CBLB: variants seen among roughly 807,000 people sequenced by gnomAD.
The protein encoded by CBLB is E3 ubiquitin-protein ligase CBL-B.
Under a neutral mutation model 104.9 loss-of-function variants are expected in CBLB, and 31 were observed. That is an observed-to-expected ratio of 0.30 (90% CI 0.22 to 0.40). The LOEUF (loss-of-function observed/expected upper bound fraction) is 0.40. CBLB is among the 10% of genes least tolerant of loss of function. The pLI is 1.00. For synonymous variants in CBLB, 440 were observed against 422.6 expected (o/e 1.04, Z -0.51); for missense variants, 1,062 against 1,214.6 (o/e 0.87, Z 1.87).
At chr3:105,869,382 A>C (rs1035351966), upstream of CBLB, 1 of 1,342,454 alleles carries the variant, frequency 7.4e-7, no homozygotes. Context: ...CCGGGAGCCA[A>C]AGCCATCTGG....
At chr3:105,743,695 A>G (rs1358366177) in intron 6 of CBLB, among the ~76,000 whole-genome samples, 7 of 151,368 alleles carry the variant, frequency 4.6e-5, no homozygotes, top group African/African-American at 1.7e-4. Flanking sequence ...ATTGTTTTCT[A>G]TACTATGAAG....
intron 8 of CBLB, among the ~76,000 whole-genome samples, chr3:105,735,432 A>G (rs2074809975): frequency 6.6e-6 from 1 of 152,254 alleles, no homozygotes; most frequent in Admixed American, 6.5e-5. Flanking sequence ...ATATGCAATT[A>G]TAAAAAAAAT....
At chr3:105,691,587 TTC>T (rs1305954739) in intron 13 of CBLB, among the ~76,000 whole-genome samples, 1 of 152,204 alleles carries the variant, frequency 6.6e-6, no homozygotes, top group Non-Finnish European at 1.5e-5. Context: ...TTTTCTAATG[TTC>T]TCTGAGTTAT....
chr3:105,830,991 A>G (rs2087421071), intron 3 of CBLB, among the ~76,000 whole-genome samples: 1 of 152,232 alleles, frequency 6.6e-6, no homozygotes, highest in African/African-American at 2.4e-5. Context: ...GGCTGACATG[A>G]AATATCCAAA....
At chr3:105,825,784 C>T (rs1400973597) in intron 3 of CBLB, among the ~76,000 whole-genome samples, 1 of 152,206 alleles carries the variant, frequency 6.6e-6, no homozygotes, top group South Asian at 2.1e-4. Flanking sequence ...CTGATGAAAA[C>T]ATATAAAGGC....
At chr3:105,787,527 G>A (rs1390771932) in intron 3 of CBLB, among the ~76,000 whole-genome samples, 1 of 151,828 alleles carries the variant, frequency 6.6e-6, no homozygotes, top group Non-Finnish European at 1.5e-5. Context: ...TGATCAGCAG[G>A]AGACTAGATA....
chr3:105,659,207 T>G lies in CBLB; in HGVS notation c.2712A>C (p.Arg904Ser). Residue 904 changes from arginine (R) to serine (S), a missense_variant, in exon 19 of 19, where the codon AGA becomes AGC. Coordinates refer to ENST00000394030, the MANE Select transcript of CBLB (RefSeq NM_170662.5). Reference protein sequence around the residue: ...SCSDGSQAPARPPKPRPRRTA... With the variant: ...SCSDGSQAPASPPKPRPRRTA... Reference sequence around the variant, plus strand: ...TCCTGCGCGGTCGTGGTTTAGGGGGTCTGGCTGGTGCCTGTGAACCATCTG... The same window carrying G: ...TCCTGCGCGGTCGTGGTTTAGGGGGGCTGGCTGGTGCCTGTGAACCATCTG... The G allele has an allele frequency of 6.2e-7, 1 of 1,613,906 alleles. No individual in the cohort carries two copies. The highest frequency in any genetic ancestry group is 1.3e-5 in the African/African-American group (1 of 75,002).
chr3:105,768,259 T>A (rs993525538), intron 4 of CBLB, among the ~76,000 whole-genome samples: 2 of 151,982 alleles, frequency 1.3e-5, no homozygotes, highest in Non-Finnish European at 2.9e-5. Context: ...ATGGGAAAAA[T>A]TATGAGCAAT....
chr3:105,855,348 G>A (rs1417265188), intron 2 of CBLB, among the ~76,000 whole-genome samples: 1 of 152,172 alleles, frequency 6.6e-6, no homozygotes. Context: ...TGTACAGCAT[G>A]AGGCCTATAG....
intron 13 of CBLB, among the ~76,000 whole-genome samples, chr3:105,689,715 A>C (rs114974442): frequency 1.1e-3 from 161 of 151,784 alleles, no homozygotes; most frequent in African/African-American, 3.7e-3. Flanking sequence ...TAATTTAGTA[A>C]ATAAATAATT....
At chr3:105,861,684 T>TACACACACACACAC (rs147156324) in intron 2 of CBLB, among the ~76,000 whole-genome samples, 1 of 145,018 alleles carries the variant, frequency 6.9e-6, no homozygotes, top group Non-Finnish European at 1.5e-5. Flanking sequence ...TGTGCACACA[T>TACACACACACACAC]ACACACACAC....
intron 17 of CBLB, chr3:105,672,939 T>G (rs1236865442): frequency 6.6e-6 from 1 of 151,908 alleles, no homozygotes; most frequent in Non-Finnish European, 1.5e-5. Context: ...TAGCATATAC[T>G]ATGAGAAATA....
At position 105,776,410 on chromosome 3, in the gene CBLB, C is replaced by G; in HGVS notation, c.552G>C (p.Lys184Asn). 6.2e-7 allele frequency: 1 copy of G among 1,613,580 alleles called. No individual in the cohort carries two copies. The highest frequency in any genetic ancestry group is 8.5e-7 in the Non-Finnish European group (1 of 1,179,844). Residue 184 changes from lysine to asparagine, a missense_variant, in exon 4 of 19, where the codon AAG (lysine) becomes AAC (asparagine). Coordinates refer to ENST00000394030, the MANE Select transcript of CBLB (RefSeq NM_170662.5). Reference protein sequence around the residue: ...TKADAAEFWRKFFGDKTIVPW... With the variant: ...TKADAAEFWRNFFGDKTIVPW... ...TTTTTACTTACTTGTCTCCAAAAAA[C>G]TTTCTCCAGAATTCAGCAGCATCTG...
Position 105,657,498 on chromosome 3 carries a change from C to T in CBLB, c.*1472G>A, listed in dbSNP as rs1238335372. 1 of 208,764 alleles carries T rather than the reference C, an allele frequency of 4.8e-6. No homozygotes were observed. The highest frequency in any genetic ancestry group is 7.2e-5 in the East Asian group (1 of 13,840). 12.9% of individuals were successfully genotyped at this position (208,764 alleles called of 1,614,324 possible). A position where few individuals can be genotyped will look rare whatever the true frequency, so the allele number is the denominator to read the frequency against. On this transcript the variant is annotated 3_prime_UTR_variant, in exon 19 of 19. Transcript: ENST00000394030. The stretch of plus-strand genomic sequence containing the variant: ...TAAATTCTAAAGCCCTGGGGGAAAC[C>T]TTCCAGGCTTTGTCTATCAGACAGA...
intron 8 of CBLB, among the ~76,000 whole-genome samples, chr3:105,734,938 G>A (rs768356072): frequency 1.4e-4 from 21 of 152,040 alleles, no homozygotes; most frequent in Non-Finnish European, 2.5e-4. Context: ...AAAGATCTTC[G>A]TGACAAAAAT....
intron 12 of CBLB, among the ~76,000 whole-genome samples, chr3:105,700,389 G>C (rs2068922660): frequency 6.6e-6 from 1 of 151,532 alleles, no homozygotes; most frequent in African/African-American, 2.4e-5. Flanking sequence ...ATGCTGCTGA[G>C]ATATAACTAG....
chr3:105,696,568 C>T (rs1185173319), intron 12 of CBLB, among the ~76,000 whole-genome samples: 4 of 151,862 alleles, frequency 2.6e-5, no homozygotes, highest in Admixed American at 2.6e-4. Context: ...GCAGTTCACA[C>T]TGAAACCTCA....
chr3:105,810,225 T>G (rs1239191662), intron 3 of CBLB, among the ~76,000 whole-genome samples: 1 of 152,138 alleles, frequency 6.6e-6, no homozygotes, highest in African/African-American at 2.4e-5. Context: ...TGGGAAATGT[T>G]TTGCTCTTAT....
chr3:105,739,271 T>G (rs536944209), intron 7 of CBLB, among the ~76,000 whole-genome samples: 1 of 152,240 alleles, frequency 6.6e-6, no homozygotes, highest in Non-Finnish European at 1.5e-5. Flanking sequence ...TCACTTTTTT[T>G]CTTTTCTTTC....
Sources: gnomAD v4.1 joint callset for allele counts (sites outside exome capture counted in the v4.1 genomes callset) on GRCh38, gnomAD v4.1.1 for gene constraint, MANE v1.5 for transcripts, NCBI Gene and HGNC (gene_info 2026-07-23, HGNC 2026-07-21) for gene names.